Variants in ARMCX4 observed in about 807,000 individuals in gnomAD.
ARMCX4 encodes armadillo repeat-containing X-linked protein 4.
Under a neutral mutation model 34.7 loss-of-function variants are expected in ARMCX4, and 3 were observed. That is an observed-to-expected ratio of 0.09 (90% CI 0.04 to 0.22). ARMCX4 has a LOEUF of 0.22. ARMCX4 is among the 10% of genes least tolerant of loss of function. The pLI, the probability that ARMCX4 is intolerant of heterozygous loss-of-function variation, is 1.00. For missense variants in ARMCX4, 1,448 were observed against 1,720.8 expected (o/e 0.84, Z 2.81); for synonymous variants, 513 against 632.8 (o/e 0.81, Z 2.84).
chrX:101,441,386 G>A (rs1786617831), intron 2 of ARMCX4, among the ~76,000 whole-genome samples: 1 of 110,574 alleles, frequency 9.0e-6, no homozygotes, highest in African/African-American at 3.3e-5. Context: ...TCCGCTTGCT[G>A]AATGGCTCAG....
chrX:101,457,720 T>C (rs1369262417), intron 4 of ARMCX4, among the ~76,000 whole-genome samples: 1 of 110,542 alleles, frequency 9.0e-6, no homozygotes, highest in Non-Finnish European at 1.9e-5. Context: ...AGACTGCATC[T>C]CAAAAACAAA....
At position 101,490,943 on chromosome X, in the gene ARMCX4, C is replaced by T. The variant is rs1556008736; in HGVS notation, c.2354C>T (p.Thr785Ile). 1 of 1,152,807 alleles carries T rather than the reference C, an allele frequency of 8.7e-7. No homozygotes were observed. ...VSKAEAGMGATGSVQPQAVAN... is the reference protein window; with the variant it reads ...VSKAEAGMGAIGSVQPQAVAN... The stretch of plus-strand genomic sequence containing the variant: ...AAGGCAGAAGCTGGGATGGGTGCAA[C>T]AGGCTCTGTCCAGCCCCAGGCTGTG... Residue 785 changes from threonine (T) to isoleucine (I), a missense_variant, in exon 6 of 6, where the codon ACA becomes ATA. By Grantham distance (89) the Thr-to-Ile change is moderately conservative. Transcript: ENST00000423738.
At chrX:101,529,217 A>G (rs782208412) in intron 11 of ARMCX4, among the ~76,000 whole-genome samples, 25 of 111,360 alleles carry the variant, frequency 2.2e-4, no homozygotes, top group African/African-American at 8.2e-4. Flanking sequence ...AAACCTGACA[A>G]AACAAGCAAT....
At chrX:101,452,126 A>G (rs1317114248), downstream of ARMCX4, among the ~76,000 whole-genome samples, 2 of 112,008 alleles carry the variant, frequency 1.8e-5, no homozygotes, top group African/African-American at 6.5e-5. Context: ...TGGGGTACCT[A>G]TTTGGGGGTG....
At chrX:101,477,704 C>T (rs1933263101) in intron 4 of ARMCX4, among the ~76,000 whole-genome samples, 1 of 109,760 alleles carries the variant, frequency 9.1e-6, no homozygotes, top group Middle Eastern at 4.7e-3. Context: ...GGATGGTACA[C>T]AGAAAAAGAA....
At chrX:101,423,353 C>T (rs1167447445) in intron 2 of ARMCX4, among the ~76,000 whole-genome samples, 1 of 109,014 alleles carries the variant, frequency 9.2e-6, no homozygotes, top group African/African-American at 3.3e-5. Flanking sequence ...GGTGGTGGCT[C>T]ACGCTTGTAA....
chrX:101,511,235 C>T (rs1166640407), intron 11 of ARMCX4, among the ~76,000 whole-genome samples: 1 of 110,795 alleles, frequency 9.0e-6, no homozygotes, highest in African/African-American at 3.3e-5. Context: ...TTTTACCTCC[C>T]ATATGATAAT....
rs1440487247 is a variant in ARMCX4 at position 101,491,872 on chromosome X, T to C, written c.3283T>C (p.Tyr1095His). Residue 1095 changes from tyrosine (Y) to histidine (H), a missense_variant, in exon 6 of 6, where the codon TAC (tyrosine) becomes CAC (histidine). By Grantham distance (83) the Tyr-to-His change is moderately conservative. Around this residue, in one of 2 missense-constraint regions of ARMCX4, gnomAD observed 1,343 missense variants for 1,540.7 expected, o/e 0.87. Coordinates refer to ENST00000423738, the MANE Select transcript of ARMCX4 (RefSeq NM_001256155.3). ...CRKTQPNIHDYYWNGIGVEDW... is the reference protein window; with the variant it reads ...CRKTQPNIHDHYWNGIGVEDW... ...AAAGACTCAGCCTAACATCCATGAC[T>C]ACTACTGGAATGGGATTGGTGTTGA... 3 of 1,155,356 alleles carry C rather than the reference T, an allele frequency of 2.6e-6. No individual in the cohort carries two copies. The highest frequency in any genetic ancestry group is 3.4e-6 in the Non-Finnish European group (3 of 872,145).
chrX:101,420,213 G>A (rs1188454474), intron 2 of ARMCX4, among the ~76,000 whole-genome samples: 1 of 111,628 alleles, frequency 9.0e-6, no homozygotes, highest in Non-Finnish European at 1.9e-5. Context: ...ACAAAAATTA[G>A]CTGGGCATGG....
chrX:101,488,473 T>C lies in ARMCX4; in HGVS notation c.-117T>C. On this transcript the variant is annotated 5_prime_UTR_variant, in exon 6 of 6. Transcript: ENST00000423738. ...ACCTCCAGAGGCAGCTGTAGTGGCCTTTGAGTGGCTGAAGACCAGCACCCT... is the reference window on the plus strand; with the variant it reads ...ACCTCCAGAGGCAGCTGTAGTGGCCCTTGAGTGGCTGAAGACCAGCACCCT... The C allele has an allele frequency of 1.8e-6, 2 of 1,129,947 alleles. No homozygotes were observed. Among genetic ancestry groups the C allele is most frequent in the Non-Finnish European group, 2.3e-6 (2 of 858,088 alleles). The allele number at this position is 1,129,947 out of a possible 1,213,427, so 93.1% of individuals were successfully genotyped here.
chrX:101,436,939 G>A (rs1413239561), intron 2 of ARMCX4, among the ~76,000 whole-genome samples: 1 of 111,781 alleles, frequency 8.9e-6, no homozygotes, highest in Non-Finnish European at 1.9e-5. Flanking sequence ...TTATATGCTC[G>A]ATTACGTTTA....
intron 2 of ARMCX4, among the ~76,000 whole-genome samples, chrX:101,442,528 C>T (rs1931361411): frequency 9.0e-6 from 1 of 111,590 alleles, no homozygotes; most frequent in Admixed American, 9.5e-5. Flanking sequence ...ATGAGCACAC[C>T]CAAACCCAAC....
At chrX:101,432,655 G>A (rs988720234) in intron 2 of ARMCX4, among the ~76,000 whole-genome samples, 2 of 106,720 alleles carry the variant, frequency 1.9e-5, no homozygotes, top group African/African-American at 6.9e-5. Context: ...GCGAGATTCT[G>A]TCTCAAAAAA....
intron 4 of ARMCX4, among the ~76,000 whole-genome samples, chrX:101,454,390 C>T (rs1555999752): frequency 2.8e-5 from 3 of 108,577 alleles, no homozygotes. Context: ...ATTCTCCTGC[C>T]TCAGCCTCCC....
chrX:101,436,713 G>A (rs1432213884), intron 2 of ARMCX4, among the ~76,000 whole-genome samples: 1 of 111,484 alleles, frequency 9.0e-6, no homozygotes, highest in African/African-American at 3.3e-5. Flanking sequence ...GGGCATCCCT[G>A]TCTTGTGCCA....
intron 4 of ARMCX4, among the ~76,000 whole-genome samples, chrX:101,480,159 C>CACACAG (rs1933383372): frequency 9.5e-6 from 1 of 105,429 alleles, no homozygotes; most frequent in Admixed American, 1.0e-4. Flanking sequence ...CACACACACA[C>CACACAG]ACACACACAC....
At chrX:101,465,672 A>C (rs1423518839) in intron 4 of ARMCX4, among the ~76,000 whole-genome samples, 1 of 111,917 alleles carries the variant, frequency 8.9e-6, no homozygotes, top group Non-Finnish European at 1.9e-5. Flanking sequence ...AAGACTAACA[A>C]ATATTTGAAT....
intron 4 of ARMCX4, among the ~76,000 whole-genome samples, chrX:101,474,884 C>T: frequency 9.8e-6 from 1 of 102,373 alleles, no homozygotes; most frequent in South Asian, 4.8e-4. Context: ...GAAGCATTCC[C>T]TTTGAAAACT....
At chrX:101,515,414 TCTTC>T (rs1159233873) in intron 11 of ARMCX4, among the ~76,000 whole-genome samples, 1,296 of 12,253 alleles carry the variant, frequency 0.11, 147 homozygotes, top group East Asian at 0.26. Flanking sequence ...TCCCTCCCTC[TCTTC>T]CTTCCTTCCT....
Sources: gnomAD v4.1 joint callset for allele counts (sites outside exome capture counted in the v4.1 genomes callset) on GRCh38, gnomAD v4.1.1 for gene constraint, gnomAD v4.1.1 regional missense constraint, MANE v1.5 for transcripts, NCBI Gene and HGNC (gene_info 2026-07-23, HGNC 2026-07-21) for gene names.